SERPINF1: variants seen among roughly 807,000 people sequenced by gnomAD.
SERPINF1 encodes the protein serpin family F member 1.
Under a neutral mutation model 37.3 loss-of-function variants are expected in SERPINF1, and 29 were observed. That is an observed-to-expected ratio of 0.78 (90% CI 0.58 to 1.06). The LOEUF (loss-of-function observed/expected upper bound fraction) is 1.06. Among genes scored for constraint, SERPINF1 ranks in the 50% least tolerant of loss-of-function variants. The pLI, the probability that SERPINF1 is intolerant of heterozygous loss-of-function variation, is 0.00. For missense variants in SERPINF1, 553 were observed against 532.2 expected (o/e 1.04, Z -0.38); for synonymous variants, 281 against 227.9 (o/e 1.23, Z -2.10).
intron 6 of SERPINF1, 27 bp from the exon 7 acceptor site, chr17:1,776,505 A>C: frequency 6.2e-7 from 1 of 1,611,946 alleles, no homozygotes; most frequent in Non-Finnish European, 8.5e-7. Flanking sequence ...CTGAAGGACT[A>C]ACCACATGCT....
chr17:1,771,598 G>C, intron 4 of SERPINF1: 1 of 506,574 alleles, frequency 2.0e-6, no homozygotes, highest in Non-Finnish European at 3.6e-6. Flanking sequence ...TGGAGGAAGG[G>C]CCCGTGAGCC....
At chr17:1,776,819 C>T (rs2151213072) in intron 7 of SERPINF1, 77 bp downstream of exon 7, 5 of 1,381,586 alleles carry the variant, frequency 3.6e-6, no homozygotes, top group Non-Finnish European at 5.1e-6. Flanking sequence ...CTGTGCTAAG[C>T]AGAACGCAAG....
chr17:1,769,919 T>G lies in SERPINF1; in HGVS notation c.152T>G (p.Val51Gly). The G allele has an allele frequency of 1.9e-6, 3 of 1,614,130 alleles. No individual in the cohort carries two copies. In the South Asian group the frequency reaches 3.3e-5, roughly 18 times the overall value. ...EEEDPFFKVP[V>G]NKLAAAVSNF... The stretch of plus-strand genomic sequence containing the variant: ...GAGGATCCTTTCTTCAAAGTCCCCG[T>G]GAACAAGCTGGCAGCGGCTGTCTCC... The change falls in exon 3 of 8, where the codon GTG becomes GGG. Residue 51 changes from valine to glycine, a missense_variant. Physicochemically the swap from Val to Gly is moderately radical, Grantham distance 109 (BLOSUM62 -3). Coordinates refer to ENST00000254722, the MANE Select transcript of SERPINF1 (RefSeq NM_002615.7).
At chr17:1,775,578 T>C (rs2151212069) in intron 6 of SERPINF1, among the ~76,000 whole-genome samples, 1 of 151,310 alleles carries the variant, frequency 6.6e-6, no homozygotes, top group East Asian at 1.9e-4. Flanking sequence ...AGTCTCGCTC[T>C]GTCGGCCAGG....
intron 6 of SERPINF1, among the ~76,000 whole-genome samples, chr17:1,775,723 G>A (rs1425205953): frequency 6.6e-6 from 1 of 151,932 alleles, no homozygotes; most frequent in Non-Finnish European, 1.5e-5. Context: ...TTATACAGAC[G>A]GGGTTTCTCC....
At position 1,777,467 on chromosome 17, in the gene SERPINF1, A is replaced by G. The variant is rs752097785; in HGVS notation, c.*21A>G. On this transcript the variant is annotated 3_prime_UTR_variant, in exon 8 of 8. Transcript: ENST00000254722. ...CCTAATATCCCAGTTTAATATTCCA[A>G]TACCCTAGAAGAAAACCCGAGGGAC... 50 of 1,613,768 alleles carry G rather than the reference A, an allele frequency of 3.1e-5. No homozygotes were observed. Among genetic ancestry groups the G allele is most frequent in the Admixed American group, 2.3e-4 (14 of 59,998 alleles).
At chr17:1,769,394 G>T (rs560658525) in intron 2 of SERPINF1, among the ~76,000 whole-genome samples, 1 of 146,538 alleles carries the variant, frequency 6.8e-6, no homozygotes, top group East Asian at 2.0e-4. Context: ...GAGCGACAGA[G>T]CGAGACTCCG....
At chr17:1,776,137 G>A (rs965706254) in intron 6 of SERPINF1, among the ~76,000 whole-genome samples, 2 of 151,990 alleles carry the variant, frequency 1.3e-5, no homozygotes, top group Non-Finnish European at 2.9e-5. Context: ...CGGCCCCTTC[G>A]GTATTCCTAT....
At chr17:1,767,436 C>CTGG (rs1192792562) in intron 2 of SERPINF1, among the ~76,000 whole-genome samples, 2 of 152,164 alleles carry the variant, frequency 1.3e-5, no homozygotes, top group Non-Finnish European at 2.9e-5. Flanking sequence ...GCCACCGCAC[C>CTGG]TGGCCAGGAT....
At chr17:1,766,823 G>A (rs1272124359) in intron 1 of SERPINF1, 80 bp from the exon 2 acceptor site, 11 of 1,395,310 alleles carry the variant, frequency 7.9e-6, no homozygotes, top group Non-Finnish European at 1.1e-5. Flanking sequence ...CCTGGGTCCT[G>A]GCTGGGGTGG....
rs554929703 is a variant in SERPINF1, at chr17:1,770,276, C to T, written c.283+226C>T. Among the ~76,000 whole-genome samples, 29 of 152,260 alleles carry T rather than the reference C, an allele frequency of 1.9e-4. No individual in the cohort carries two copies. In the East Asian group the frequency reaches 5.2e-3, roughly 27 times the overall value. ...GGGCACCACTGACATGGCGCTTGGC[C>T]TCAGGGTTCGCTTATTGACACAGTG... On this transcript the variant is annotated intron_variant, in intron 3 of 7. Coordinates refer to ENST00000254722, the MANE Select transcript of SERPINF1 (RefSeq NM_002615.7).
In SERPINF1 at chr17:1,766,654, A is replaced by G. The variant is rs1237388288; in HGVS notation, c.-8-249A>G. 8.7e-6 allele frequency: 4 copies of G among 458,874 alleles called. No homozygotes were observed. In the Admixed American group the frequency reaches 1.5e-4, roughly 17 times the overall value. 28.4% of individuals were successfully genotyped at this position (458,874 alleles called of 1,614,324 possible). ...ACGCAGACAGTGGAACAAAAGCACA[A>G]GCTTATGGTATGACTGTGGGCCCTG... On this transcript the variant is annotated intron_variant, in intron 1 of 7. Transcript: ENST00000254722.
intron 4 of SERPINF1, chr17:1,771,647 G>A (rs554226361): frequency 4.6e-5 from 27 of 590,794 alleles, no homozygotes; most frequent in Non-Finnish European, 7.6e-5. Flanking sequence ...TGCAGGAGAC[G>A]GTGGGAGGGG....
chr17:1,762,560 T>C (rs1214066584), intron 1 of SERPINF1, among the ~76,000 whole-genome samples: 1 of 152,196 alleles, frequency 6.6e-6, no homozygotes, highest in African/African-American at 2.4e-5. Context: ...CCCTGGCCCC[T>C]GCTCCCTCGG....
intron 3 of SERPINF1, chr17:1,770,635 T>C: frequency 3.7e-6 from 1 of 272,892 alleles, no homozygotes; most frequent in Non-Finnish European, 7.2e-6. Flanking sequence ...AATTTTTGTA[T>C]TTTTAGTAGA....
intron 4 of SERPINF1, 155 bp from the exon 5 acceptor site, chr17:1,771,717 A>G (rs1353315758): frequency 4.1e-6 from 3 of 737,672 alleles, no homozygotes; most frequent in Non-Finnish European, 4.7e-6. Context: ...GTGCCTGGGG[A>G]TGCCAGCAGA....
intron 3 of SERPINF1, chr17:1,770,423 G>A: frequency 5.5e-6 from 2 of 363,480 alleles, no homozygotes; most frequent in South Asian, 3.2e-5. Context: ...GTTCACAGGG[G>A]AACTAATACC....
chr17:1,777,052 G>A (rs966989988), intron 7 of SERPINF1, 135 bp from the exon 8 acceptor site: 21 of 1,384,292 alleles, frequency 1.5e-5, no homozygotes, highest in African/African-American at 5.7e-5. Flanking sequence ...CTCCACCCTC[G>A]GTCAGCTCAG....
At chr17:1,775,946 C>T (rs754320845) in intron 6 of SERPINF1, among the ~76,000 whole-genome samples, 3 of 152,190 alleles carry the variant, frequency 2.0e-5, no homozygotes, top group Non-Finnish European at 4.4e-5. Flanking sequence ...GGGAATCTGA[C>T]GACAGTGCCT....
Sources: gnomAD v4.1 joint callset for allele counts (sites outside exome capture counted in the v4.1 genomes callset) on GRCh38, gnomAD v4.1.1 for gene constraint, MANE v1.5 for transcripts, NCBI Gene and HGNC (gene_info 2026-07-23, HGNC 2026-07-21) for gene names.